IL4R: variants seen among roughly 807,000 people sequenced by gnomAD.
IL4R encodes the protein interleukin-4 receptor subunit alpha.
In IL4R, 17 loss-of-function variants were observed where a neutral mutation model predicts 41.5. The ratio of observed to expected loss-of-function variants is 0.41; its 90% confidence interval spans 0.28 to 0.61. The LOEUF (loss-of-function observed/expected upper bound fraction) is 0.61. IL4R is among the 20% of genes least tolerant of loss of function. The pLI is 0.31. For synonymous variants in IL4R, 402 were observed against 422.9 expected (o/e 0.95, Z 0.61); for missense variants, 974 against 1,043.1 (o/e 0.93, Z 0.91).
chr16:27,340,099 C>A, intron 2 of IL4R, 87 bp from the exon 3 acceptor site: 1 of 796,388 alleles, frequency 1.3e-6, no homozygotes, highest in Non-Finnish European at 2.1e-6. Context: ...AAATAAATGG[C>A]CAGGGCAGGG....
At chr16:27,339,843 G>A (rs765618668) in intron 2 of IL4R, among the ~76,000 whole-genome samples, 1 of 151,190 alleles carries the variant, frequency 6.6e-6, no homozygotes, top group Non-Finnish European at 1.5e-5. Flanking sequence ...CAGATCATGA[G>A]GTCAGAAGTT....
At chr16:27,358,461 C>T (rs1480894032) in intron 8 of IL4R, among the ~76,000 whole-genome samples, 1 of 152,202 alleles carries the variant, frequency 6.6e-6, no homozygotes, top group Non-Finnish European at 1.5e-5. Flanking sequence ...TGTGTTTCTC[C>T]GTAGGTCCCC....
chr16:27,318,237 A>G (rs1022182613), intron 1 of IL4R, among the ~76,000 whole-genome samples: 2 of 152,188 alleles, frequency 1.3e-5, no homozygotes, highest in African/African-American at 4.8e-5. Context: ...GCCCTGCATG[A>G]TGGGCATGTC....
At chr16:27,325,813 G>A (rs995314045) in intron 1 of IL4R, among the ~76,000 whole-genome samples, 1 of 151,978 alleles carries the variant, frequency 6.6e-6, no homozygotes, top group Non-Finnish European at 1.5e-5. Context: ...CTAGGATGAG[G>A]GAGGGTCTTC....
In IL4R at chr16:27,359,559, G is replaced by A. The variant is rs544158831; in HGVS notation, c.849+565G>A. Among the ~76,000 whole-genome samples, 12 of 152,236 alleles carry A rather than the reference G, an allele frequency of 7.9e-5. No homozygotes were observed. The East Asian group carries it at 2.1e-3, about 27-fold the overall frequency. ...AGGAGAAAGGGGGATTATAGGTCCTGTCTAGAAGAGAAGGTCTGAGGGTCC... is the reference window on the plus strand; with the variant it reads ...AGGAGAAAGGGGGATTATAGGTCCTATCTAGAAGAGAAGGTCTGAGGGTCC... On this transcript the variant is annotated intron_variant, in intron 9 of 10. Transcript: ENST00000395762.
At chr16:27,316,819 A>C (rs1295514029) in intron 1 of IL4R, among the ~76,000 whole-genome samples, 1 of 152,054 alleles carries the variant, frequency 6.6e-6, no homozygotes, top group Non-Finnish European at 1.5e-5. Flanking sequence ...ATGCCATTGT[A>C]GTGATGACTA....
intron 1 of IL4R, among the ~76,000 whole-genome samples, chr16:27,324,317 T>C (rs576526644): frequency 2.0e-5 from 3 of 152,348 alleles, no homozygotes; most frequent in African/African-American, 7.2e-5. Context: ...TTAAGGGGAC[T>C]CCAAGCCAGG....
At chr16:27,352,414 G>A in intron 6 of IL4R, 126 bp from the exon 7 acceptor site, 5 of 737,996 alleles carry the variant, frequency 6.8e-6, no homozygotes, top group Non-Finnish European at 6.9e-6. Context: ...TGAACAGGAC[G>A]AACAACCAAA....
At chr16:27,337,053 G>A (rs1043730736) in intron 2 of IL4R, among the ~76,000 whole-genome samples, 1 of 152,038 alleles carries the variant, frequency 6.6e-6, no homozygotes, top group Non-Finnish European at 1.5e-5. Flanking sequence ...CTCCAGCCTG[G>A]GCAACAAGAG....
intron 4 of IL4R, among the ~76,000 whole-genome samples, chr16:27,343,549 C>A (rs2085512813): frequency 2.0e-5 from 3 of 152,278 alleles, no homozygotes; most frequent in African/African-American, 7.2e-5. Flanking sequence ...GTCTCAGCCT[C>A]CCGAGTAGTT....
intron 8 of IL4R, among the ~76,000 whole-genome samples, chr16:27,357,711 A>G (rs968524809): frequency 1.1e-4 from 16 of 151,900 alleles, no homozygotes; most frequent in Admixed American, 3.9e-4. Flanking sequence ...TGATCCACCC[A>G]CCTCGTTCTC....
At chr16:27,355,687 G>A (rs936160994) in intron 7 of IL4R, 121 bp from the exon 8 acceptor site, 5 of 641,184 alleles carry the variant, frequency 7.8e-6, no homozygotes, top group African/African-American at 3.6e-5. Flanking sequence ...AGGGGTGGTC[G>A]GCGGTCAGAT....
chr16:27,356,084 C>CTT (rs36125482), intron 8 of IL4R, among the ~76,000 whole-genome samples, 177 bp downstream of exon 8: 245 of 113,662 alleles, frequency 2.2e-3, no homozygotes, highest in African/African-American at 5.6e-3. Context: ...CCACTTTTTT[C>CTT]TTTTTTTTTT....
intron 6 of IL4R, among the ~76,000 whole-genome samples, chr16:27,347,476 C>T (rs2083126903): frequency 6.6e-6 from 1 of 152,198 alleles, no homozygotes; most frequent in South Asian, 2.1e-4. Flanking sequence ...CAGGTGTGAG[C>T]CACCGCACCT....
intron 7 of IL4R, chr16:27,355,106 A>G: frequency 2.4e-6 from 1 of 422,214 alleles, no homozygotes; most frequent in Non-Finnish European, 5.2e-6. Context: ...AGAAATCCCC[A>G]CTCTTGTGGA....
At chr16:27,324,663 G>A (rs972484710) in intron 1 of IL4R, among the ~76,000 whole-genome samples, 2 of 152,222 alleles carry the variant, frequency 1.3e-5, no homozygotes, top group Non-Finnish European at 2.9e-5. Context: ...TCCTGGGTAG[G>A]TGGCTTCTGG....
intron 2 of IL4R, among the ~76,000 whole-genome samples, chr16:27,333,968 C>T (rs962098894): frequency 2.6e-4 from 40 of 151,916 alleles, no homozygotes; most frequent in African/African-American, 9.2e-4. Flanking sequence ...CTGCAAGCTC[C>T]GCCTCCCGGG....
chr16:27,333,193 G>T (rs1433817119), intron 2 of IL4R, among the ~76,000 whole-genome samples: 1 of 150,250 alleles, frequency 6.7e-6, no homozygotes, highest in Non-Finnish European at 1.5e-5. Flanking sequence ...ATGACCTCGG[G>T]TGACTCTTTT....
intron 1 of IL4R, among the ~76,000 whole-genome samples, chr16:27,328,004 G>C (rs1216310962): frequency 6.6e-6 from 1 of 151,924 alleles, no homozygotes; most frequent in Non-Finnish European, 1.5e-5. Flanking sequence ...GAGGTCAAGA[G>C]ATCGAGACCA....
Sources: allele counts gnomAD v4.1 joint callset (sites outside exome capture counted in the v4.1 genomes callset), GRCh38; gene constraint gnomAD v4.1.1; transcripts MANE v1.5; gene names NCBI Gene and HGNC (gene_info 2026-07-23, HGNC 2026-07-21).